SPRED1: variants seen among roughly 807,000 people sequenced by gnomAD.
SPRED1 encodes sprouty related EVH1 domain containing 1, also known as sprouty-related, EVH1 domain-containing protein 1.
Under a neutral mutation model 52.3 loss-of-function variants are expected in SPRED1, and 18 were observed. The observed-to-expected ratio is 0.34, with a 90% CI of 0.24 to 0.51. SPRED1 has a LOEUF of 0.51. Ranked by LOEUF, SPRED1 falls within the 20% of genes least tolerant of loss-of-function variation. The probability of loss-of-function intolerance (pLI) is 0.97; values close to 1 mark genes in which losing one functional copy is unlikely to be tolerated. For missense variants in SPRED1, 485 were observed against 551.0 expected (o/e 0.88, Z 1.20); for synonymous variants, 155 against 179.7 (o/e 0.86, Z 1.10).
chr15:38,335,404 G>A (rs1895892866), intron 4 of SPRED1, among the ~76,000 whole-genome samples: 1 of 152,080 alleles, frequency 6.6e-6, no homozygotes, highest in Non-Finnish European at 1.5e-5. Context: ...AAAAGATAAT[G>A]AGGGCTTTGC....
intron 1 of SPRED1, among the ~76,000 whole-genome samples, chr15:38,288,850 G>T (rs528722446): frequency 2.6e-4 from 40 of 152,168 alleles, no homozygotes; most frequent in African/African-American, 7.7e-4. Flanking sequence ...CCCTAAACTA[G>T]AGTAACTGTT....
chr15:38,322,950 G>C (rs1895634298), intron 3 of SPRED1, among the ~76,000 whole-genome samples: 1 of 152,042 alleles, frequency 6.6e-6, no homozygotes, highest in East Asian at 1.9e-4. Context: ...AAAGCATACA[G>C]GTTTTGAAGG....
At chr15:38,256,329 G>A (rs1894096191) in intron 1 of SPRED1, among the ~76,000 whole-genome samples, 1 of 152,070 alleles carries the variant, frequency 6.6e-6, no homozygotes, top group Non-Finnish European at 1.5e-5. Context: ...GTTTCCGATA[G>A]ATATAACTGT....
At chr15:38,310,561 G>A (rs1405263141) in intron 2 of SPRED1, among the ~76,000 whole-genome samples, 1 of 152,154 alleles carries the variant, frequency 6.6e-6, no homozygotes, top group Non-Finnish European at 1.5e-5. Flanking sequence ...TCTTTACTAT[G>A]ATGAACTTCT....
At chr15:38,313,045 A>G (rs1895400242) in intron 2 of SPRED1, among the ~76,000 whole-genome samples, 2 of 151,836 alleles carry the variant, frequency 1.3e-5, no homozygotes, top group Non-Finnish European at 2.9e-5. Context: ...CACAAAAAAC[A>G]CTTTTTTTCT....
intron 2 of SPRED1, among the ~76,000 whole-genome samples, chr15:38,305,379 G>A (rs549959316): frequency 4.2e-5 from 6 of 143,568 alleles, no homozygotes; most frequent in Non-Finnish European, 9.2e-5. Context: ...CGTTTTAAAG[G>A]TGGGTTGTTC....
intron 1 of SPRED1, among the ~76,000 whole-genome samples, chr15:38,256,748 AT>A (rs1207876336): frequency 6.6e-6 from 1 of 152,096 alleles, no homozygotes; most frequent in African/African-American, 2.4e-5. Flanking sequence ...GTGGTGAGTT[AT>A]TTTTGATAAG....
Position 38,338,303 on chromosome 15 carries a change from G to GTTT in SPRED1, c.424-1428_424-1426dup, listed in dbSNP as rs10680565. Among the ~76,000 whole-genome samples the GTTT allele has an allele frequency of 6.0e-4, 86 of 143,612 alleles. 1 individual carries two copies. The highest frequency in any genetic ancestry group is 3.0e-3 in the South Asian group (14 of 4,658). The allele number at this position is 143,612 out of a possible 152,430, so 94.2% of individuals were successfully genotyped here. A position where few individuals can be genotyped will look rare whatever the true frequency, so the allele number is the denominator to read the frequency against. On this transcript the variant is annotated intron_variant, in intron 4 of 6. Coordinates refer to ENST00000299084, the MANE Select transcript of SPRED1 (RefSeq NM_152594.3). ...TTCTCACCCATTTTTGTTTTGTTTT[G>GTTT]TTTTTTTTCTCCCAGTATTCTATTC...
intron 1 of SPRED1, among the ~76,000 whole-genome samples, chr15:38,256,419 C>T (rs889345485): frequency 6.6e-6 from 1 of 152,054 alleles, no homozygotes; most frequent in South Asian, 2.1e-4. Flanking sequence ...ACTTAAGAGT[C>T]TTTGTCCTTT....
Position 38,356,821 on chromosome 15 carries a change from G to A in SPRED1, c.*5157G>A, listed in dbSNP as rs1888632498. 6.6e-6 allele frequency: 1 copy of A among 151,908 alleles called. No individual in the cohort carries two copies. Among genetic ancestry groups the A allele is most frequent in the Non-Finnish European group, 1.5e-5 (1 of 67,938 alleles). 9.4% of individuals were successfully genotyped at this position (151,908 alleles called of 1,614,324 possible). A position where few individuals can be genotyped will look rare whatever the true frequency, so the allele number is the denominator to read the frequency against. Reference sequence around the variant, plus strand: ...AACCAAAAATAACGAATAATCTAAAGGAAAGGTTATTAGGACAGTAATAAA... The same window carrying A: ...AACCAAAAATAACGAATAATCTAAAAGAAAGGTTATTAGGACAGTAATAAA... On this transcript the variant is annotated 3_prime_UTR_variant, in exon 7 of 7. Coordinates refer to ENST00000299084, the MANE Select transcript of SPRED1 (RefSeq NM_152594.3).
intron 1 of SPRED1, among the ~76,000 whole-genome samples, chr15:38,270,030 C>G (rs1296910689): frequency 6.6e-6 from 1 of 151,878 alleles, no homozygotes; most frequent in African/African-American, 2.4e-5. Flanking sequence ...GCCTCAGCCT[C>G]CCGAGTAGCT....
intron 1 of SPRED1, among the ~76,000 whole-genome samples, chr15:38,277,906 GTCTT>G (rs1894593490): frequency 2.0e-5 from 1 of 48,788 alleles, no homozygotes; most frequent in African/African-American, 4.5e-5. Flanking sequence ...GTTCATGTAT[GTCTT>G]TTTTTTTTTA....
At chr15:38,277,939 G>C (rs1894594975) in intron 1 of SPRED1, among the ~76,000 whole-genome samples, 1 of 150,914 alleles carries the variant, frequency 6.6e-6, no homozygotes, top group Admixed American at 6.6e-5. Flanking sequence ...CATACCCTTT[G>C]CCTACTTTTT....
chr15:38,342,580 C>A (rs952170472), intron 5 of SPRED1, among the ~76,000 whole-genome samples: 14 of 151,834 alleles, frequency 9.2e-5, no homozygotes, highest in Non-Finnish European at 1.6e-4. Context: ...TGAAAAAAAT[C>A]TTTTATTTCC....
In SPRED1 at chr15:38,355,765, A is replaced by G. The variant is rs182237934; in HGVS notation, c.*4101A>G. 6 of 152,342 alleles carry G rather than the reference A, an allele frequency of 3.9e-5. No homozygotes were observed. The highest frequency in any genetic ancestry group is 6.5e-5 in the Admixed American group (1 of 15,306). 9.4% of individuals were successfully genotyped at this position (152,342 alleles called of 1,614,324 possible). A position where few individuals can be genotyped will look rare whatever the true frequency, so the allele number is the denominator to read the frequency against. ...TTCTTGATTTGACTTCCATGTTCAC[A>G]CTTCAAAGTGTAAGAGGAAGCACTA... On this transcript the variant is annotated 3_prime_UTR_variant, in exon 7 of 7. Coordinates refer to ENST00000299084, the MANE Select transcript of SPRED1 (RefSeq NM_152594.3).
At chr15:38,310,153 G>GTGTGTGTGTGTGTGTTT (rs373463622) in intron 2 of SPRED1, among the ~76,000 whole-genome samples, 5 of 132,188 alleles carry the variant, frequency 3.8e-5, no homozygotes, top group Non-Finnish European at 4.7e-5. Context: ...GTGTGTGTGT[G>GTGTGTGTGTGTGTGTTT]TTTGGAGACG....
intron 5 of SPRED1, among the ~76,000 whole-genome samples, chr15:38,348,403 C>T (rs888860903): frequency 6.8e-6 from 1 of 146,772 alleles, no homozygotes; most frequent in Admixed American, 6.7e-5. Flanking sequence ...ACAAAGGGTC[C>T]TATTTTAAAG....
At chr15:38,275,554 A>G (rs1214769857) in intron 1 of SPRED1, among the ~76,000 whole-genome samples, 2 of 152,110 alleles carry the variant, frequency 1.3e-5, no homozygotes, top group Non-Finnish European at 1.5e-5. Context: ...CTGGAGTGCA[A>G]TGGCGTGATC....
intron 1 of SPRED1, among the ~76,000 whole-genome samples, chr15:38,298,858 G>A (rs932016409): frequency 6.6e-6 from 1 of 152,148 alleles, no homozygotes; most frequent in Non-Finnish European, 1.5e-5. Context: ...CAGATTCCCA[G>A]TTGGTAGAAT....
Sources: gnomAD v4.1 joint callset for allele counts (sites outside exome capture counted in the v4.1 genomes callset) on GRCh38, gnomAD v4.1.1 for gene constraint, MANE v1.5 for transcripts, NCBI Gene and HGNC (gene_info 2026-07-23, HGNC 2026-07-21) for gene names.